Variants in SEMA3A observed in about 807,000 individuals in gnomAD.
SEMA3A encodes the protein semaphorin 3A.
A neutral mutation model predicts 97.9 loss-of-function variants in SEMA3A; 29 were observed. That is an observed-to-expected ratio of 0.30 (90% CI 0.22 to 0.40). The LOEUF (loss-of-function observed/expected upper bound fraction) is 0.40, where lower values mean the gene tolerates loss of function less well. Among genes scored for constraint, SEMA3A ranks in the 10% least tolerant of loss-of-function variants. SEMA3A has a pLI of 1.00. For synonymous variants in SEMA3A, 321 were observed against 323.7 expected (o/e 0.99, Z 0.09); for missense variants, 763 against 951.3 (o/e 0.80, Z 2.60).
At chr7:84,052,565 T>C (rs1290729410) in intron 5 of SEMA3A, among the ~76,000 whole-genome samples, 1 of 152,084 alleles carries the variant, frequency 6.6e-6, no homozygotes, top group Admixed American at 6.6e-5. Context: ...ATATCCCCTT[T>C]GTCATTTTTT....
intron 2 of SEMA3A, among the ~76,000 whole-genome samples, chr7:84,313,394 ATAT>A (rs1562898816): frequency 8.6e-6 from 1 of 116,232 alleles, no homozygotes; most frequent in Non-Finnish European, 1.8e-5. Flanking sequence ...ATATATATAT[ATAT>A]ATATATATAA....
At chr7:84,127,487 C>T (rs1041057538) in intron 3 of SEMA3A, among the ~76,000 whole-genome samples, 2 of 152,154 alleles carry the variant, frequency 1.3e-5, no homozygotes, top group South Asian at 2.1e-4. Context: ...CATTACAAAA[C>T]TTCATTGCAG....
chr7:83,986,842 G>T (rs997541756), intron 12 of SEMA3A, among the ~76,000 whole-genome samples: 2 of 132,974 alleles, frequency 1.5e-5, no homozygotes, highest in Non-Finnish European at 3.4e-5. Context: ...TTGAAAGTTA[G>T]ATGGTACCTC....
chr7:84,124,505 T>C (rs1402302817), intron 3 of SEMA3A, among the ~76,000 whole-genome samples: 2 of 152,180 alleles, frequency 1.3e-5, no homozygotes, highest in East Asian at 1.9e-4. Flanking sequence ...AAAGGAATTA[T>C]TGTCTGTAAG....
intron 3 of SEMA3A, among the ~76,000 whole-genome samples, chr7:84,216,674 A>C (rs1798762813): frequency 6.6e-6 from 1 of 152,140 alleles, no homozygotes; most frequent in African/African-American, 2.4e-5. Context: ...ACACATAATG[A>C]CATGGGAGTC....
At chr7:84,026,601 C>T (rs182904197) in intron 6 of SEMA3A, among the ~76,000 whole-genome samples, 2 of 152,152 alleles carry the variant, frequency 1.3e-5, no homozygotes, top group Admixed American at 1.3e-4. Context: ...AACCTAAATG[C>T]CCATCAATGA....
At chr7:84,198,767 C>G (rs1798293598), upstream of SEMA3A, among the ~76,000 whole-genome samples, 1 of 152,088 alleles carries the variant, frequency 6.6e-6, no homozygotes, top group African/African-American at 2.4e-5. Context: ...TCAAATAGAT[C>G]AGTAGTTTTT....
At chr7:84,334,450 A>G (rs557780515) in intron 2 of SEMA3A, among the ~76,000 whole-genome samples, 1 of 152,156 alleles carries the variant, frequency 6.6e-6, no homozygotes, top group Non-Finnish European at 1.5e-5. Flanking sequence ...TAATTACATA[A>G]ATAAGAAAAA....
chr7:84,168,455 T>C (rs1346336510), intron 1 of SEMA3A, among the ~76,000 whole-genome samples: 3 of 151,990 alleles, frequency 2.0e-5, no homozygotes, highest in Non-Finnish European at 2.9e-5. Context: ...ATATAGGTCT[T>C]TTTACATGAA....
At chr7:84,306,815 C>T (rs761567296) in intron 3 of SEMA3A, among the ~76,000 whole-genome samples, 5 of 152,044 alleles carry the variant, frequency 3.3e-5, no homozygotes, top group Non-Finnish European at 7.4e-5. Context: ...ATATGTGGGC[C>T]AATAAATGTA....
At chr7:84,080,282 A>G (rs1490682391) in intron 4 of SEMA3A, among the ~76,000 whole-genome samples, 1 of 151,316 alleles carries the variant, frequency 6.6e-6, no homozygotes, top group Non-Finnish European at 1.5e-5. Context: ...CAGCACACCA[A>G]CATGGCACAT....
At chr7:84,019,798 T>C (rs1584554065) in intron 6 of SEMA3A, among the ~76,000 whole-genome samples, 1 of 152,144 alleles carries the variant, frequency 6.6e-6, no homozygotes, top group East Asian at 1.9e-4. Flanking sequence ...TTTCACATGT[T>C]TTTAATATTT....
rs1265866502 is a variant in SEMA3A at position 84,312,895 on chromosome 7, TATATATATATATATATATATATATATAC to T, written c.-168-5631_-168-5604del. Among the ~76,000 whole-genome samples the T allele has an allele frequency of 7.3e-4, 44 of 60,048 alleles. 1 individual carries two copies. The highest frequency in any genetic ancestry group is 8.8e-4 in the Non-Finnish European group (23 of 26,048). The allele number at this position is 60,048 out of a possible 152,430, so 39.4% of individuals were successfully genotyped here. A position where few individuals can be genotyped will look rare whatever the true frequency, so the allele number is the denominator to read the frequency against. On this transcript the variant is annotated intron_variant, in intron 2 of 3. Transcript: ENST00000424555. ...TTTTATATATATATATATATATATATATATATATATATATATATATATATATACACACACACACACACACACACGTACA... is the reference window on the plus strand; with the variant it reads ...TTTTATATATATATATATATATATATACACACACACACACACACACGTACA...
rs137946688 is a variant in SEMA3A, at chr7:84,279,326, A to T, written c.-83+27881T>A. ...TACTATATACTAACTAATAGGATGT[A>T]ATAAGAAGGACATAGCATCACTCTT... On this transcript the variant is annotated intron_variant, in intron 3 of 3. Transcript: ENST00000424555. 7.9e-3 allele frequency among the ~76,000 whole-genome samples: 1,208 copies of T among 152,284 alleles called. 23 individuals are homozygous for T. Among genetic ancestry groups the T allele is most frequent in the South Asian group, 0.044 (211 of 4,828 alleles).
At chr7:84,307,722 C>T (rs1419870185) in intron 2 of SEMA3A, among the ~76,000 whole-genome samples, 1 of 152,136 alleles carries the variant, frequency 6.6e-6, no homozygotes, top group Admixed American at 6.5e-5. Context: ...AATTTCATGA[C>T]ACTGTTAGTA....
chr7:84,244,929 G>A (rs1799446397), intron 3 of SEMA3A, among the ~76,000 whole-genome samples: 1 of 152,130 alleles, frequency 6.6e-6, no homozygotes, highest in South Asian at 2.1e-4. Flanking sequence ...CTTTCTTCTG[G>A]ATCCTAGGGT....
At chr7:84,404,701 A>T (rs1432003252) in intron 1 of SEMA3A, among the ~76,000 whole-genome samples, 1 of 152,234 alleles carries the variant, frequency 6.6e-6, no homozygotes, top group Non-Finnish European at 1.5e-5. Flanking sequence ...ATCTCTTGGC[A>T]GAAACTCTAC....
At chr7:84,330,698 A>T (rs1020574418) in intron 2 of SEMA3A, among the ~76,000 whole-genome samples, 1 of 151,270 alleles carries the variant, frequency 6.6e-6, no homozygotes, top group Non-Finnish European at 1.5e-5. Context: ...TTTTTTATTT[A>T]TTTTTTTGCA....
intron 4 of SEMA3A, among the ~76,000 whole-genome samples, chr7:84,061,573 C>T (rs1793216894): frequency 6.6e-6 from 1 of 152,040 alleles, no homozygotes; most frequent in Admixed American, 6.6e-5. Flanking sequence ...TATTTTTTGG[C>T]AATTTCTCTA....
Sources: allele counts gnomAD v4.1 joint callset (sites outside exome capture counted in the v4.1 genomes callset), GRCh38; gene constraint gnomAD v4.1.1; transcripts MANE v1.5; gene names NCBI Gene and HGNC (gene_info 2026-07-23, HGNC 2026-07-21).